The following PREX1 variants were observed in gnomAD, a reference collection of about 807,000 sequenced individuals.
PREX1 encodes phosphatidylinositol-3,4,5-trisphosphate dependent Rac exchange factor 1, also known as phosphatidylinositol 3,4,5-trisphosphate-dependent Rac exchanger 1 protein.
In PREX1, 41 loss-of-function variants were observed where a neutral mutation model predicts 198.3. The observed-to-expected ratio is 0.21, with a 90% CI of 0.16 to 0.27. PREX1 has a LOEUF of 0.27. Ranked by LOEUF, PREX1 falls within the 10% of genes least tolerant of loss-of-function variation. The pLI is 1.00. For missense variants in PREX1, 1,620 were observed against 2,200.7 expected, an observed-to-expected ratio of 0.74 and a Z score of 5.28; for synonymous variants, 843 against 887.2, an observed-to-expected ratio of 0.95 and a Z score of 0.89.
intron 21 of PREX1, among the ~76,000 whole-genome samples, chr20:48,652,194 G>A (rs942933215): frequency 6.6e-6 from 1 of 152,192 alleles, no homozygotes; most frequent in African/African-American, 2.4e-5. Flanking sequence ...CACTCTGCGA[G>A]GCCGAGGCAA....
chr20:48,744,542 TTGCAG>T (rs1225945865), intron 3 of PREX1, among the ~76,000 whole-genome samples: 1 of 152,196 alleles, frequency 6.6e-6, no homozygotes, highest in Non-Finnish European at 1.5e-5. Context: ...GTTAGTAATC[TTGCAG>T]GAAGAGAGAG....
chr20:48,777,212 A>G (rs2090266326), intron 1 of PREX1, among the ~76,000 whole-genome samples: 3 of 152,222 alleles, frequency 2.0e-5, no homozygotes, highest in South Asian at 4.1e-4. Flanking sequence ...AACCCGCCAC[A>G]CCACACGAGG....
At chr20:48,776,574 C>T (rs1435160661) in intron 1 of PREX1, among the ~76,000 whole-genome samples, 1 of 152,134 alleles carries the variant, frequency 6.6e-6, no homozygotes, top group Non-Finnish European at 1.5e-5. Context: ...ACTCACAGGC[C>T]CTCGGAAAAC....
At chr20:48,756,906 G>A (rs758457729) in intron 1 of PREX1, among the ~76,000 whole-genome samples, 8 of 152,212 alleles carry the variant, frequency 5.3e-5, no homozygotes, top group Non-Finnish European at 1.0e-4. Context: ...GTAAAGTTAT[G>A]TCTTACATGG....
chr20:48,887,685 G>A, the PREX1 span, among the ~76,000 whole-genome samples: 3 of 149,924 alleles, frequency 2.0e-5, no homozygotes, highest in African/African-American at 4.9e-5. Context: ...GGTGATTCAC[G>A]CCTGTAATCC....
chr20:48,637,621 C>T (rs370149907), intron 31 of PREX1, 90 bp downstream of exon 31: 5 of 1,315,064 alleles, frequency 3.8e-6, no homozygotes, highest in Middle Eastern at 2.7e-4. Flanking sequence ...CGTTGCCTCC[C>T]CCCGTCCAGG....
intron 15 of PREX1, among the ~76,000 whole-genome samples, chr20:48,661,312 G>A (rs185302942): frequency 7.8e-4 from 115 of 147,674 alleles, no homozygotes; most frequent in African/African-American, 2.4e-3. Flanking sequence ...CCAGCTACTC[G>A]CAAGGCTGAG....
At chr20:48,810,931 G>C (rs2123042953) in intron 1 of PREX1, among the ~76,000 whole-genome samples, 1 of 152,180 alleles carries the variant, frequency 6.6e-6, no homozygotes, top group East Asian at 1.9e-4. Flanking sequence ...CAGGGCAAGT[G>C]CCATAATAAA....
the PREX1 span, among the ~76,000 whole-genome samples, chr20:48,847,371 A>AAAAAAAAAAAAAAAAC: frequency 1.3e-5 from 2 of 149,392 alleles, no homozygotes; most frequent in African/African-American, 5.0e-5. Flanking sequence ...TTATAAAAAA[A>AAAAAAAAAAAAAAAAC]AAAAAAAAAA....
chr20:48,637,345 A>G (rs2089372561), intron 31 of PREX1, among the ~76,000 whole-genome samples: 2 of 152,118 alleles, frequency 1.3e-5, no homozygotes, highest in South Asian at 4.1e-4. Flanking sequence ...AGGGATAGAG[A>G]AGGTCTCCAA....
Position 48,688,853 on chromosome 20 carries a change from G to A in PREX1, c.1187-49C>T, listed in dbSNP as rs565477909. 41 of 1,601,078 alleles carry A rather than the reference G, an allele frequency of 2.6e-5. No individual in the cohort carries two copies. The South Asian group carries it at 4.1e-4, about 16-fold the overall frequency. On this transcript the variant is annotated intron_variant, in intron 9 of 39. Transcript: ENST00000371941. ...TGGAGAGAGCACCAGGCCCAGGGCA[G>A]GGGGGGTAGGGGGAGACAAGGGGCA...
chr20:48,841,710 A>G, the PREX1 span, among the ~76,000 whole-genome samples: 2 of 152,328 alleles, frequency 1.3e-5, no homozygotes, highest in South Asian at 2.1e-4. Context: ...AGCCGGCTGT[A>G]GACAACCTGT....
chr20:48,676,300 G>A (rs751817999), intron 13 of PREX1, 32 bp from the exon 14 acceptor site: 1 of 1,601,182 alleles, frequency 6.2e-7, no homozygotes, highest in East Asian at 2.2e-5. Context: ...AGTGAGCAGG[G>A]CAGGGCGGGG....
the PREX1 span, among the ~76,000 whole-genome samples, chr20:48,867,862 AT>A: frequency 1.2e-4 from 18 of 150,182 alleles, no homozygotes; most frequent in East Asian, 3.3e-3. Context: ...AAAATTTACC[AT>A]CTTAACCTTT....
chr20:48,769,059 C>T (rs917698807), intron 1 of PREX1, among the ~76,000 whole-genome samples: 15 of 152,094 alleles, frequency 9.9e-5, no homozygotes, highest in African/African-American at 3.6e-4. Context: ...GCCAATACAT[C>T]GTTCTGGCTT....
At chr20:48,805,078 A>G (rs1398830558) in intron 1 of PREX1, among the ~76,000 whole-genome samples, 8 of 152,206 alleles carry the variant, frequency 5.3e-5, no homozygotes, top group African/African-American at 7.2e-5. Context: ...GTGACAGAGG[A>G]AGAGAGGGAA....
intron 1 of PREX1, among the ~76,000 whole-genome samples, chr20:48,795,955 G>A (rs562244573): frequency 2.0e-5 from 3 of 152,250 alleles, no homozygotes; most frequent in South Asian, 2.1e-4. Context: ...GGTTCACATC[G>A]ATGTGTGGCA....
intron 1 of PREX1, among the ~76,000 whole-genome samples, chr20:48,749,285 G>C (rs2090123534): frequency 6.6e-6 from 1 of 152,168 alleles, no homozygotes; most frequent in South Asian, 2.1e-4. Context: ...AGGGCCACGG[G>C]GAGCTGTGGG....
chr20:48,636,481 C>T lies in PREX1; in HGVS notation c.4149G>A (p.Leu1383=), dbSNP rs2089364406. 2.5e-6 allele frequency: 4 copies of T among 1,606,548 alleles called. No individual in the cohort carries two copies. Among genetic ancestry groups the T allele is most frequent in the Non-Finnish European group, 3.4e-6 (4 of 1,178,784 alleles). ...ATGVLLHCQS[L]LSPATVKEER... is the part of the protein sequence containing the mutation. ...CACTCACCACTGTGGCTGGCGAGAG[C>T]AGGGACTGGCAGTGCAGCAGGACGC... Residue 1383 remains leucine, a synonymous_variant, in exon 32 of 40, where the codon CTG becomes CTA. Transcript: ENST00000371941.
Sources: gnomAD v4.1 joint callset for allele counts (sites outside exome capture counted in the v4.1 genomes callset) on GRCh38, gnomAD v4.1.1 for gene constraint, MANE v1.5 for transcripts, NCBI Gene and HGNC (gene_info 2026-07-23, HGNC 2026-07-21) for gene names.